The following SRFBP1 variants were observed in gnomAD, a reference collection of about 807,000 sequenced individuals.
SRFBP1 encodes serum response factor binding protein 1.
SRFBP1 carries 47 observed loss-of-function variants against 45.5 expected under a neutral mutation model. The ratio of observed to expected loss-of-function variants is 1.03; its 90% CI spans 0.82 to 1.32. The LOEUF is 1.32. SRFBP1 is among the 40% of genes most tolerant of loss of function. The pLI is 0.00. For missense variants in SRFBP1, 621 were observed against 484.6 expected, an observed-to-expected ratio of 1.28 and a Z score of -2.64; for synonymous variants, 203 against 166.3, an observed-to-expected ratio of 1.22 and a Z score of -1.70.
intron 2 of SRFBP1, among the ~76,000 whole-genome samples, chr5:122,042,651 T>C (rs1161394195): frequency 1.3e-5 from 2 of 152,202 alleles, no homozygotes; most frequent in African/African-American, 4.8e-5. Flanking sequence ...GATTAGTTAG[T>C]TAACAATTTT....
At chr5:122,070,448 A>G (rs748234844) in intron 2 of SRFBP1, 11 of 1,056,418 alleles carry the variant, frequency 1.0e-5, no homozygotes, top group Admixed American at 3.8e-5. Flanking sequence ...AAGAGGGCCT[A>G]TTGATCTGCA....
intron 4 of SRFBP1, among the ~76,000 whole-genome samples, chr5:122,006,980 G>C (rs971218741): frequency 2.0e-5 from 3 of 151,932 alleles, no homozygotes; most frequent in Middle Eastern, 3.2e-3. Context: ...TCTGTCTCTT[G>C]TTGCCTTATG....
chr5:122,021,666 ATCT>A (rs1437917566), intron 6 of SRFBP1, among the ~76,000 whole-genome samples: 1 of 143,384 alleles, frequency 7.0e-6, no homozygotes, highest in Non-Finnish European at 1.5e-5. Flanking sequence ...CAAAATATAA[ATCT>A]TTTTTTTTTT....
At chr5:122,011,584 A>G (rs566406385) in intron 4 of SRFBP1, among the ~76,000 whole-genome samples, 1 of 152,272 alleles carries the variant, frequency 6.6e-6, no homozygotes, top group Non-Finnish European at 1.5e-5. Flanking sequence ...TATCTCACCT[A>G]TGAAGCCTAT....
chr5:122,076,774 C>A, downstream of SRFBP1: 1 of 803,030 alleles, frequency 1.2e-6, no homozygotes. Context: ...TCCCACTTCC[C>A]AGCTCTTGTC....
intron 3 of SRFBP1, among the ~76,000 whole-genome samples, chr5:121,978,614 C>G (rs1580502940): frequency 1.3e-5 from 2 of 152,080 alleles, no homozygotes; most frequent in East Asian, 3.9e-4. Context: ...GCCACAGTCT[C>G]CTGAGTAACT....
At chr5:122,077,917 A>G (rs910272284), downstream of SRFBP1, 2 of 1,514,546 alleles carry the variant, frequency 1.3e-6, no homozygotes, top group Non-Finnish European at 8.8e-7. The surrounding 1 kb of genome is among the most constrained non-coding windows in gnomAD (Gnocchi z 4.9). Flanking sequence ...CGGCGGCGGG[A>G]GGGGCGCAGT....
intron 1 of SRFBP1, among the ~76,000 whole-genome samples, chr5:121,971,439 C>G (rs551381043): frequency 6.6e-6 from 1 of 151,860 alleles, no homozygotes; most frequent in South Asian, 2.1e-4. Flanking sequence ...AATATGAAAC[C>G]CCCCCTCCCC....
At position 122,006,579 on chromosome 5, in the gene SRFBP1, T is replaced by A. The variant is rs184883102; in HGVS notation, c.270+11909T>A. Among the ~76,000 whole-genome samples, 767 of 152,276 alleles carry A rather than the reference T, an allele frequency of 5.0e-3. 10 individuals carry two copies. The highest frequency in any genetic ancestry group is 0.017 in the African/African-American group (724 of 41,572). ...CCATAAATCTCATAAATTTAATTCA[T>A]TCCTTTTCATTCTTTTTTCTAATTT... On this transcript the variant is annotated intron_variant, in intron 4 of 7. Transcript: ENST00000339397.
chr5:122,031,947 AT>A (rs1753595360), downstream of SRFBP1, among the ~76,000 whole-genome samples: 2 of 152,234 alleles, frequency 1.3e-5, no homozygotes, highest in African/African-American at 4.8e-5. Flanking sequence ...CTGAAAATAC[AT>A]CAGTGATTGC....
chr5:121,998,625 C>G (rs1166670215), intron 4 of SRFBP1, among the ~76,000 whole-genome samples: 3 of 148,748 alleles, frequency 2.0e-5, no homozygotes, highest in Non-Finnish European at 4.4e-5. Flanking sequence ...TGTAAGTAAC[C>G]TGCACAATGT....
At chr5:122,015,218 G>A (rs896391070) in intron 4 of SRFBP1, among the ~76,000 whole-genome samples, 4 of 152,112 alleles carry the variant, frequency 2.6e-5, no homozygotes, top group African/African-American at 9.7e-5. Flanking sequence ...AATTAATCCT[G>A]AGGATTAAAA....
chr5:122,032,213 T>TA (rs1282056338), downstream of SRFBP1, among the ~76,000 whole-genome samples: 1 of 152,112 alleles, frequency 6.6e-6, no homozygotes, highest in Non-Finnish European at 1.5e-5. Context: ...TAGTGAAATT[T>TA]ATATGGTTCT....
chr5:121,963,543 T>C (rs1464383539), intron 1 of SRFBP1, among the ~76,000 whole-genome samples: 6 of 152,162 alleles, frequency 3.9e-5, no homozygotes, highest in African/African-American at 1.4e-4. Flanking sequence ...TAGCTAACTT[T>C]TGTTCTTCTT....
At chr5:122,029,195 T>C (rs1753552970), downstream of SRFBP1, among the ~76,000 whole-genome samples, 1 of 152,082 alleles carries the variant, frequency 6.6e-6, no homozygotes, top group Non-Finnish European at 1.5e-5. Flanking sequence ...GTGTGTAATA[T>C]ATACACACAC....
intron 6 of SRFBP1, 32 bp downstream of exon 6, chr5:122,020,834 T>G (rs1356346228): frequency 6.8e-7 from 1 of 1,478,488 alleles, no homozygotes; most frequent in East Asian, 2.4e-5. Flanking sequence ...GAAATAATCA[T>G]TAGTTCTTTT....
chr5:122,075,992 G>T (rs2152590524), downstream of SRFBP1: 1 of 152,386 alleles, frequency 6.6e-6, no homozygotes, highest in Non-Finnish European at 1.5e-5. Context: ...GCTGCAAACT[G>T]AGGAAATAAC....
rs771643910 is a variant in SRFBP1 at position 121,975,299 on chromosome 5, A to G, written c.126-16A>G. On this transcript the variant is annotated splice_polypyrimidine_tract_variant and intron_variant, in intron 2 of 7. Coordinates refer to ENST00000339397, the MANE Select transcript of SRFBP1 (RefSeq NM_152546.3). ...AATGCTTTGCCTGGCTACATATCGT[A>G]ATGTATTTTTTGCAGGGGTACTGAA... 1.2e-6 allele frequency: 2 copies of G among 1,612,250 alleles called. No individual in the cohort carries two copies. Among genetic ancestry groups the G allele is most frequent in the South Asian group, 2.2e-5 (2 of 91,052 alleles).
downstream of SRFBP1, chr5:122,077,046 G>GC (rs1332160448): frequency 1.9e-6 from 3 of 1,604,712 alleles, no homozygotes; most frequent in East Asian, 2.2e-5. This position sits in a 1 kb window ranked among gnomAD's most constrained non-coding sequence, Gnocchi z 4.9. Flanking sequence ...ACAACCCGGC[G>GC]CCCCCCGCTC....
Sources: gnomAD v4.1 joint callset for allele counts (sites outside exome capture counted in the v4.1 genomes callset) on GRCh38, gnomAD v4.1.1 for gene constraint, Gnocchi (gnomAD v3.1) non-coding constraint, MANE v1.5 for transcripts, NCBI Gene and HGNC (gene_info 2026-07-23, HGNC 2026-07-21) for gene names.